The following CELF4 variants were observed in gnomAD, a reference collection of about 807,000 sequenced individuals.
The protein encoded by CELF4 is CUGBP Elav-like family member 4, also known as CUG-BP- and ETR-3-like factor 4.
In CELF4, 18 loss-of-function variants were observed where a neutral mutation model predicts 59.9. The ratio of observed to expected loss-of-function variants is 0.30; its 90% CI spans 0.21 to 0.45. The LOEUF (loss-of-function observed/expected upper bound fraction) is 0.45, where lower values mean the gene tolerates loss of function less well. Ranked by LOEUF, CELF4 falls within the 20% of genes least tolerant of loss-of-function variation. CELF4 has a pLI of 1.00. For missense variants in CELF4, 456 were observed against 689.0 expected (o/e 0.66, Z 3.79); for synonymous variants, 261 against 267.1 (o/e 0.98, Z 0.22).
chr18:37,438,263 G>C (rs1035513834), intron 2 of CELF4, among the ~76,000 whole-genome samples: 3 of 152,102 alleles, frequency 2.0e-5, no homozygotes, highest in African/African-American at 4.8e-5. Flanking sequence ...GTGAAGAGTG[G>C]GTTGGTTCCA....
At chr18:37,393,979 T>C (rs2099203955) in intron 2 of CELF4, among the ~76,000 whole-genome samples, 1 of 150,266 alleles carries the variant, frequency 6.7e-6, no homozygotes, top group South Asian at 2.1e-4. Context: ...GGCTCTGGGA[T>C]TTGCATGACA....
chr18:37,519,334 C>T (rs1272267516), intron 1 of CELF4, among the ~76,000 whole-genome samples: 1 of 152,136 alleles, frequency 6.6e-6, no homozygotes, highest in Non-Finnish European at 1.5e-5. Flanking sequence ...GAAACCCTTG[C>T]CCGACTTGCT....
intron 1 of CELF4, among the ~76,000 whole-genome samples, chr18:37,511,270 C>T (rs2099944000): frequency 6.6e-6 from 1 of 152,154 alleles, no homozygotes; most frequent in Non-Finnish European, 1.5e-5. Context: ...TTTGTTCGGT[C>T]AGGTGCCCAC....
In CELF4 at chr18:37,274,888, C is replaced by T. The variant is rs1390214487; in HGVS notation, c.578-4G>A. Reference sequence around the variant, plus strand: ...GAGTACTTCACAAAGGCGCACCCTGCGAGGACGCGAGAGGCCGAGCTGGGA... The same window carrying T: ...GAGTACTTCACAAAGGCGCACCCTGTGAGGACGCGAGAGGCCGAGCTGGGA... On this transcript the variant is annotated splice_polypyrimidine_tract_variant and splice_region_variant and intron_variant, in intron 4 of 12. Transcript: ENST00000420428. 5 of 1,605,056 alleles carry T rather than the reference C, an allele frequency of 3.1e-6. No individual in the cohort carries two copies. The highest frequency in any genetic ancestry group is 3.4e-6 in the Non-Finnish European group (4 of 1,176,616).
intron 3 of CELF4, among the ~76,000 whole-genome samples, chr18:37,287,445 C>T (rs1268217873): frequency 1.3e-5 from 2 of 152,210 alleles, no homozygotes; most frequent in African/African-American, 4.8e-5. Flanking sequence ...CCCTGTAAAG[C>T]TGTTGAACTA....
At chr18:37,365,481 AT>A (rs10670336) in intron 2 of CELF4, among the ~76,000 whole-genome samples, 342 of 97,748 alleles carry the variant, frequency 3.5e-3, no homozygotes, top group African/African-American at 0.011. Flanking sequence ...GGATGGGGCA[AT>A]TTTTTTTTTT....
chr18:37,558,216 G>T (rs1307411661), intron 1 of CELF4, among the ~76,000 whole-genome samples: 1 of 151,840 alleles, frequency 6.6e-6, no homozygotes, highest in Non-Finnish European at 1.5e-5. Flanking sequence ...ATCACCTTGG[G>T]CTTCCCACCT....
intron 2 of CELF4, among the ~76,000 whole-genome samples, chr18:37,481,271 C>T (rs564322018): frequency 5.9e-5 from 9 of 152,166 alleles, no homozygotes; most frequent in Admixed American, 2.0e-4. Context: ...CTTCCCCCAC[C>T]CCCATCCCTG....
chr18:37,514,416 C>T (rs1490160569), intron 1 of CELF4, among the ~76,000 whole-genome samples: 5 of 152,186 alleles, frequency 3.3e-5, no homozygotes, highest in African/African-American at 1.2e-4. Flanking sequence ...CCAGCAAACA[C>T]TTATTGAACA....
chr18:37,391,792 G>T (rs543305896), intron 2 of CELF4, among the ~76,000 whole-genome samples: 1 of 152,350 alleles, frequency 6.6e-6, no homozygotes, highest in African/African-American at 2.4e-5. Flanking sequence ...TGTCTGGGGG[G>T]AGATTCAGGA....
intron 1 of CELF4, among the ~76,000 whole-genome samples, chr18:37,493,236 G>A (rs910618608): frequency 2.0e-5 from 3 of 152,152 alleles, no homozygotes; most frequent in Non-Finnish European, 4.4e-5. Context: ...CCCCTTTAGA[G>A]CCCACGTAAC....
chr18:37,549,255 C>A (rs1473408051), intron 1 of CELF4, among the ~76,000 whole-genome samples: 1 of 152,158 alleles, frequency 6.6e-6, no homozygotes, highest in African/African-American at 2.4e-5. Context: ...TGACCAGGAC[C>A]CTGGAGAACA....
At chr18:37,316,773 G>A (rs2096882016) in intron 3 of CELF4, among the ~76,000 whole-genome samples, 2 of 152,196 alleles carry the variant, frequency 1.3e-5, no homozygotes, top group South Asian at 4.1e-4. Flanking sequence ...GGAGCTCCTT[G>A]TCCAGCCTAG....
chr18:37,438,793 G>A (rs1161025669), intron 2 of CELF4, among the ~76,000 whole-genome samples: 3 of 152,250 alleles, frequency 2.0e-5, no homozygotes, highest in Admixed American at 6.5e-5. Context: ...TGACAGCCGC[G>A]GGTGTAATTT....
chr18:37,489,736 G>A (rs556605866), intron 1 of CELF4, among the ~76,000 whole-genome samples: 1 of 152,330 alleles, frequency 6.6e-6, no homozygotes, highest in African/African-American at 2.4e-5. Context: ...AGTTGAGGTG[G>A]GAAACGGGAT....
intron 2 of CELF4, among the ~76,000 whole-genome samples, chr18:37,415,770 G>T (rs1245599168): frequency 6.6e-6 from 1 of 152,204 alleles, no homozygotes; most frequent in Non-Finnish European, 1.5e-5. Context: ...ACTAGCAGTA[G>T]TTGGAGATGA....
At chr18:37,493,988 G>A (rs2099921984) in intron 1 of CELF4, among the ~76,000 whole-genome samples, 1 of 152,124 alleles carries the variant, frequency 6.6e-6, no homozygotes, top group Admixed American at 6.5e-5. Flanking sequence ...ACAGAGCTGG[G>A]GTGGTCCAGA....
intron 1 of CELF4, among the ~76,000 whole-genome samples, chr18:37,487,663 G>A (rs1239389949): frequency 6.6e-6 from 1 of 152,180 alleles, no homozygotes; most frequent in Non-Finnish European, 1.5e-5. Flanking sequence ...TCCTCTGCCT[G>A]CAACCAGGAG....
At chr18:37,495,805 C>T (rs12052012) in intron 1 of CELF4, among the ~76,000 whole-genome samples, 51,059 of 151,754 alleles carry the variant, frequency 0.34, 9,512 homozygotes, top group East Asian at 0.53. Context: ...CTGATATATC[C>T]ACAGGGACAG....
Sources: allele counts gnomAD v4.1 joint callset (sites outside exome capture counted in the v4.1 genomes callset), GRCh38; gene constraint gnomAD v4.1.1; transcripts MANE v1.5; gene names NCBI Gene and HGNC (gene_info 2026-07-23, HGNC 2026-07-21).